TTC28: variants seen among roughly 807,000 people sequenced by gnomAD.
TTC28 encodes tetratricopeptide repeat protein 28.
TTC28 carries 61 observed loss-of-function variants against 198.0 expected under a neutral mutation model. That is an observed-to-expected ratio of 0.31 (90% CI 0.25 to 0.38). TTC28 has a LOEUF of 0.38. Ranked by LOEUF, TTC28 falls within the 10% of genes least tolerant of loss-of-function variation. The probability of loss-of-function intolerance (pLI) is 1.00; values close to 1 mark genes in which losing one functional copy is unlikely to be tolerated. For synonymous variants in TTC28, 1,171 were observed against 1,297.8 expected (o/e 0.90, Z 2.10); for missense variants, 2,678 against 3,164.0 (o/e 0.85, Z 3.69).
chr22:28,601,219 T>C (rs1025127225), intron 2 of TTC28, among the ~76,000 whole-genome samples: 1 of 152,238 alleles, frequency 6.6e-6, no homozygotes, highest in African/African-American at 2.4e-5. Context: ...GTTTAATTCT[T>C]GAACAGTGAA....
rs983339976 is a variant in TTC28 at position 27,985,253 on chromosome 22, C to T, written c.5811G>A (p.Leu1937=). The stretch of plus-strand genomic sequence containing the variant: ...GGTCTGAGGGCAGGCTCTTACCAAA[C>T]AGAGACAGCAGGGACTGGAGCGCGA... ...VHFALQSLLS[L]FDSTELPKRL... The change falls in exon 22 of 23, where the codon CTG becomes CTA. Residue 1937 remains leucine (L), a synonymous_variant. Coordinates refer to ENST00000397906, the MANE Select transcript of TTC28 (RefSeq NM_001145418.2). The T allele has an allele frequency of 6.4e-7, 1 of 1,550,862 alleles. No individual in the cohort carries two copies. Among genetic ancestry groups the T allele is most frequent in the Non-Finnish European group, 8.7e-7 (1 of 1,146,440 alleles).
intron 5 of TTC28, among the ~76,000 whole-genome samples, chr22:28,264,031 AG>A (rs1449105981): frequency 1.3e-5 from 2 of 152,242 alleles, no homozygotes; most frequent in East Asian, 3.9e-4. Context: ...GGAGGCAGAA[AG>A]ACCAATTCAG....
intron 16 of TTC28, chr22:27,996,490 G>A (rs777628710): frequency 1.2e-5 from 7 of 561,206 alleles, no homozygotes; most frequent in Non-Finnish European, 2.1e-5. Flanking sequence ...CAGGTTAGTG[G>A]GGCCTGCTAT....
At chr22:28,351,473 G>A (rs530522957) in intron 2 of TTC28, among the ~76,000 whole-genome samples, 1 of 152,296 alleles carries the variant, frequency 6.6e-6, no homozygotes, top group East Asian at 1.9e-4. Flanking sequence ...AAAAGCCTTT[G>A]TGAATAATTG....
chr22:28,461,553 C>A (rs2047950739), intron 2 of TTC28, among the ~76,000 whole-genome samples: 1 of 152,146 alleles, frequency 6.6e-6, no homozygotes, highest in Non-Finnish European at 1.5e-5. Flanking sequence ...TCTCCTGCCT[C>A]AGCCTCCCAA....
intron 1 of TTC28, among the ~76,000 whole-genome samples, chr22:28,652,469 A>G (rs1428551163): frequency 6.6e-6 from 1 of 152,334 alleles, no homozygotes; most frequent in East Asian, 1.9e-4. Context: ...AAAAATCTCA[A>G]TAATCTTAGT....
intron 13 of TTC28, among the ~76,000 whole-genome samples, chr22:28,028,410 G>A (rs774749030): frequency 6.6e-6 from 1 of 152,208 alleles, no homozygotes; most frequent in Non-Finnish European, 1.5e-5. Context: ...TTTCCAAAAT[G>A]AGCACTCCAC....
intron 2 of TTC28, among the ~76,000 whole-genome samples, chr22:28,506,831 GTCTA>G (rs1015012259): frequency 2.0e-5 from 3 of 152,158 alleles, no homozygotes; most frequent in African/African-American, 4.8e-5. Context: ...AAGAAGAGTG[GTCTA>G]TCTGTTAAAA....
At chr22:28,203,146 A>G (rs1325184780) in intron 5 of TTC28, among the ~76,000 whole-genome samples, 1 of 152,154 alleles carries the variant, frequency 6.6e-6, no homozygotes, top group Non-Finnish European at 1.5e-5. Context: ...TGGAAAAAAA[A>G]CATGGTAAAG....
chr22:28,593,419 T>C (rs1204757181), intron 2 of TTC28, among the ~76,000 whole-genome samples: 1 of 152,164 alleles, frequency 6.6e-6, no homozygotes, highest in Non-Finnish European at 1.5e-5. Context: ...TGCAGACTCT[T>C]AGCAACCAGA....
In TTC28 at chr22:27,980,360, T is replaced by C. The variant is rs1220886209; in HGVS notation, c.*1861A>G. ...TCTTTATAAAGTACTTCGCTTTCAG[T>C]GTTGGGATCAGGGCTAGAATAAGAC... On this transcript the variant is annotated 3_prime_UTR_variant, in exon 23 of 23. Coordinates refer to ENST00000397906, the MANE Select transcript of TTC28 (RefSeq NM_001145418.2). 3 of 152,232 alleles carry C rather than the reference T, an allele frequency of 2.0e-5. No homozygotes were observed. Among genetic ancestry groups the C allele is most frequent in the African/African-American group, 7.2e-5 (3 of 41,462 alleles). The allele number at this position is 152,232 out of a possible 1,614,324, so 9.4% of individuals were successfully genotyped here. A position where few individuals can be genotyped will look rare whatever the true frequency, so the allele number is the denominator to read the frequency against.
intron 2 of TTC28, among the ~76,000 whole-genome samples, chr22:28,365,710 A>C (rs1385223668): frequency 6.6e-6 from 1 of 152,240 alleles, no homozygotes; most frequent in Non-Finnish European, 1.5e-5. Context: ...ACACATGTAC[A>C]CATGCATATT....
chr22:28,296,408 A>G lies in TTC28; in HGVS notation c.803-80T>C, dbSNP rs985477307. ...TTTATAACATATAATGGTCATCTTA[A>G]TTTAAGAGCCACAGATTTATTAGCT... On this transcript the variant is annotated intron_variant, in intron 4 of 22. Transcript: ENST00000397906. 1.1e-5 allele frequency: 13 copies of G among 1,186,932 alleles called. No homozygotes were observed. In the African/African-American group the frequency reaches 1.5e-4, roughly 14 times the overall value. The allele number at this position is 1,186,932 out of a possible 1,614,324, so 73.5% of individuals were successfully genotyped here.
intron 2 of TTC28, among the ~76,000 whole-genome samples, chr22:28,464,481 T>C (rs1264958976): frequency 6.6e-6 from 1 of 152,228 alleles, no homozygotes; most frequent in Non-Finnish European, 1.5e-5. Flanking sequence ...TTCATTTTCC[T>C]GATTACCTGC....
intron 3 of TTC28, among the ~76,000 whole-genome samples, chr22:28,305,943 A>G (rs2045135642): frequency 6.6e-6 from 1 of 152,222 alleles, no homozygotes; most frequent in Non-Finnish European, 1.5e-5. Context: ...GGCAGAAAAT[A>G]TGTAAACTGG....
At chr22:28,283,343 C>A (rs918137251) in intron 5 of TTC28, among the ~76,000 whole-genome samples, 4 of 151,938 alleles carry the variant, frequency 2.6e-5, no homozygotes, top group African/African-American at 2.4e-5. Flanking sequence ...CACACACACA[C>A]ACACACCACA....
chr22:28,441,183 C>T (rs2047615636), intron 2 of TTC28, among the ~76,000 whole-genome samples: 1 of 152,156 alleles, frequency 6.6e-6, no homozygotes, highest in African/African-American at 2.4e-5. Context: ...TACCAGTACC[C>T]AGAGGGGTTT....
At chr22:28,068,692 G>A (rs548872398) in intron 12 of TTC28, among the ~76,000 whole-genome samples, 1 of 152,120 alleles carries the variant, frequency 6.6e-6, no homozygotes, top group South Asian at 2.1e-4. Context: ...AAGATTAAAC[G>A]ATCACTTTAA....
chr22:28,346,626 C>G (rs1406960550), intron 2 of TTC28, among the ~76,000 whole-genome samples: 2 of 152,180 alleles, frequency 1.3e-5, no homozygotes, highest in Admixed American at 6.5e-5. Context: ...GTGGACATAA[C>G]TTTCTTGCAT....
Sources: allele counts gnomAD v4.1 joint callset (sites outside exome capture counted in the v4.1 genomes callset), GRCh38; gene constraint gnomAD v4.1.1; transcripts MANE v1.5; gene names NCBI Gene and HGNC (gene_info 2026-07-23, HGNC 2026-07-21).